The following ATOH8 variants were observed in gnomAD, a reference collection of about 807,000 sequenced individuals.
The protein encoded by ATOH8 is transcription factor ATOH8.
Under a neutral mutation model 21.2 loss-of-function variants are expected in ATOH8, and 9 were observed. That is an observed-to-expected ratio of 0.42 (90% CI 0.26 to 0.74). ATOH8 has a LOEUF of 0.74. Among genes scored for constraint, ATOH8 ranks in the 30% least tolerant of loss-of-function variants. ATOH8 has a pLI of 0.24. For synonymous variants in ATOH8, 253 were observed against 224.0 expected, an observed-to-expected ratio of 1.13 and a Z score of -1.16; for missense variants, 524 against 470.9, an observed-to-expected ratio of 1.11 and a Z score of -1.04.
In ATOH8 at chr2:85,788,846, C is replaced by T. The variant is rs972030787; in HGVS notation, c.*1956C>T. 6.6e-6 allele frequency among the ~76,000 whole-genome samples: 1 copy of T among 152,184 alleles called. No individual in the cohort carries two copies. On this transcript the variant is annotated 3_prime_UTR_variant, in exon 3 of 3. Coordinates refer to ENST00000306279, the MANE Select transcript of ATOH8 (RefSeq NM_032827.7). ...CCACAGTGTCCATGCTGTCTTGGAT[C>T]CCTAGGCTGGCACAGAAACAGGGGA... is the stretch of plus-strand genomic sequence containing the variant.
chr2:85,754,590 G>T lies in ATOH8; in HGVS notation c.401G>T (p.Ser134Ile). ...CCGCCGCCGCCTCCTGCGCCCCAGAGCCAGGCACCTGGGGGCCCAGAGGCA... is the reference window on the plus strand; with the variant it reads ...CCGCCGCCGCCTCCTGCGCCCCAGATCCAGGCACCTGGGGGCCCAGAGGCA... ...PPPPPPPAPQ[S>I]QAPGGPEAQP... is the part of the protein sequence containing the mutation. The change falls in exon 1 of 3, where the codon AGC (serine) becomes ATC (isoleucine). Residue 134 changes from serine to isoleucine, a missense_variant. By Grantham distance (142) the Ser-to-Ile change is moderately radical (BLOSUM62 -2). Transcript: ENST00000306279. 1 of 1,470,010 alleles carries T rather than the reference G, an allele frequency of 6.8e-7. No homozygotes were observed. Among genetic ancestry groups the T allele is most frequent in the Non-Finnish European group, 8.9e-7 (1 of 1,119,480 alleles). 91.1% of individuals were successfully genotyped at this position (1,470,010 alleles called of 1,614,324 possible). A position where few individuals can be genotyped will look rare whatever the true frequency, so the allele number is the denominator to read the frequency against.
intron 1 of ATOH8, among the ~76,000 whole-genome samples, chr2:85,757,561 C>A (rs1490691667): frequency 6.6e-6 from 1 of 152,178 alleles, no homozygotes; most frequent in Non-Finnish European, 1.5e-5. Context: ...TGAGCAGCTT[C>A]CTGGTACCAT....
chr2:85,781,193 C>A, intron 2 of ATOH8: 2 of 496,262 alleles, frequency 4.0e-6, no homozygotes, highest in Non-Finnish European at 5.3e-6. Context: ...ATGGGAATAG[C>A]ATATGGGACA....
At chr2:85,759,372 C>T (rs924646177) in intron 1 of ATOH8, among the ~76,000 whole-genome samples, 3 of 152,156 alleles carry the variant, frequency 2.0e-5, no homozygotes, top group Non-Finnish European at 2.9e-5. Flanking sequence ...GGGTGGCTGC[C>T]GTGGAGCCTC....
Position 85,779,527 on chromosome 2 carries a change from C to T in ATOH8, c.961-7358C>T, listed in dbSNP as rs906799587. 7.9e-5 allele frequency among the ~76,000 whole-genome samples: 12 copies of T among 152,300 alleles called. No homozygotes were observed. In the South Asian group the frequency reaches 2.3e-3, roughly 29 times the overall value. On this transcript the variant is annotated intron_variant, in intron 2 of 2. Coordinates refer to ENST00000306279, the MANE Select transcript of ATOH8 (RefSeq NM_032827.7). Reference sequence around the variant, plus strand: ...GGCCCTGGCCCTGGGGGTGCTGGGCCTCCCACTGCCAGCCACCTTCCCTTA... The same window carrying T: ...GGCCCTGGCCCTGGGGGTGCTGGGCTTCCCACTGCCAGCCACCTTCCCTTA...
chr2:85,765,453 G>A (rs1331373785), intron 2 of ATOH8, among the ~76,000 whole-genome samples: 2 of 152,236 alleles, frequency 1.3e-5, no homozygotes, highest in Non-Finnish European at 2.9e-5. Context: ...GTGCTTTAAC[G>A]TGGACCAATT....
chr2:85,783,062 G>T (rs1680537444), intron 2 of ATOH8, among the ~76,000 whole-genome samples: 2 of 152,190 alleles, frequency 1.3e-5, no homozygotes, highest in African/African-American at 4.8e-5. Flanking sequence ...AACAAAACAG[G>T]CCACGTCCCT....
In ATOH8 at chr2:85,766,080, G is replaced by C. The variant is rs1354826925; in HGVS notation, c.960+1898G>C. On this transcript the variant is annotated intron_variant, in intron 2 of 2. Transcript: ENST00000306279. This position sits in a 1 kb window ranked among gnomAD's most constrained non-coding sequence, Gnocchi z 4.0. ...CCTCCTCCGCCTCAGTTTTCTTGTT[G>C]ATAAGTGGGGACGGTGGAAATACTC... is the stretch of plus-strand genomic sequence containing the variant. Among the ~76,000 whole-genome samples, 1 of 152,108 alleles carries C rather than the reference G, an allele frequency of 6.6e-6. No homozygotes were observed. Among genetic ancestry groups the C allele is most frequent in the Non-Finnish European group, 1.5e-5 (1 of 68,012 alleles).
chr2:85,789,321 A>G lies in ATOH8; in HGVS notation c.*2431A>G, dbSNP rs1031599213. Among the ~76,000 whole-genome samples the G allele has an allele frequency of 6.6e-6, 1 of 152,224 alleles. No homozygotes were observed. The highest frequency in any genetic ancestry group is 2.4e-5 in the African/African-American group (1 of 41,450). On this transcript the variant is annotated 3_prime_UTR_variant, in exon 3 of 3. Coordinates refer to ENST00000306279, the MANE Select transcript of ATOH8 (RefSeq NM_032827.7). Reference sequence around the variant, plus strand: ...GGAATGAAGAGATGGATCTTGTGTCATGCATGGCATCACGGAGCTCTGGGT... The same window carrying G: ...GGAATGAAGAGATGGATCTTGTGTCGTGCATGGCATCACGGAGCTCTGGGT...
Position 85,790,874 on chromosome 2 carries a change from C to G in ATOH8, c.*3984C>G, listed in dbSNP as rs577592602. ...GGGCTACACTTGCCTCCCTCCTATG[C>G]TGCTTCCTGAGCCACGAAGTGGTCA... On this transcript the variant is annotated 3_prime_UTR_variant, in exon 3 of 3. Coordinates refer to ENST00000306279, the MANE Select transcript of ATOH8 (RefSeq NM_032827.7). 6.6e-6 allele frequency among the ~76,000 whole-genome samples: 1 copy of G among 152,348 alleles called. No homozygotes were observed. Among genetic ancestry groups the G allele is most frequent in the East Asian group, 1.9e-4 (1 of 5,188 alleles).
intron 2 of ATOH8, among the ~76,000 whole-genome samples, chr2:85,767,584 T>TCCCTC (rs1558611981): frequency 1.9e-5 from 2 of 102,714 alleles, no homozygotes; most frequent in African/African-American, 3.8e-5. Context: ...CCCCTCTCCT[T>TCCCTC]CCCTTCCCTT....
chr2:85,777,798 C>G (rs548843018), intron 2 of ATOH8, among the ~76,000 whole-genome samples: 1 of 152,304 alleles, frequency 6.6e-6, no homozygotes, highest in African/African-American at 2.4e-5. Context: ...TCCAGTGGAG[C>G]CTGGCGTGGT....
chr2:85,773,029 C>T (rs1181842063), intron 2 of ATOH8: 8 of 361,710 alleles, frequency 2.2e-5, no homozygotes, highest in South Asian at 4.3e-5. Context: ...TGCTTGGGAG[C>T]GCATCTCAGT....
At chr2:85,783,358 T>A (rs1015524129) in intron 2 of ATOH8, among the ~76,000 whole-genome samples, 34 of 152,140 alleles carry the variant, frequency 2.2e-4, no homozygotes, top group African/African-American at 8.2e-4. Flanking sequence ...TCATCTGAGG[T>A]TGGAAGTTCA....
intron 2 of ATOH8, chr2:85,774,431 A>G: frequency 1.0e-6 from 1 of 985,506 alleles, no homozygotes; most frequent in Non-Finnish European, 1.2e-6. Context: ...TACCTGCCCC[A>G]GCAGACCAGA....
chr2:85,765,602 A>T (rs1429755436), intron 2 of ATOH8, among the ~76,000 whole-genome samples: 1 of 150,702 alleles, frequency 6.6e-6, no homozygotes, highest in Non-Finnish European at 1.5e-5. Flanking sequence ...AGGTTTGTAA[A>T]CTCTCGGTGA....
In ATOH8 at chr2:85,754,633, G is replaced by A. The variant is rs541971104; in HGVS notation, c.444G>A (p.Pro148=). 3 of 1,509,866 alleles carry A rather than the reference G, an allele frequency of 2.0e-6. No individual in the cohort carries two copies. The highest frequency in any genetic ancestry group is 2.8e-5 in the African/African-American group (2 of 70,528). 93.5% of individuals were successfully genotyped at this position (1,509,866 alleles called of 1,614,324 possible). ...CAGAGGCACAGCCTTTCCGGGAGCC[G>A]GGTCTGCGTCCTCGCATCTTGCTGT... ...GGPEAQPFRE[P]GLRPRILLCA... is the part of the protein sequence containing the mutation. The change falls in exon 1 of 3, where the codon CCG becomes CCA. Residue 148 remains proline (P), a synonymous_variant. Transcript: ENST00000306279.
rs187204683 is a variant in ATOH8 at position 85,778,727 on chromosome 2, G to A, written c.961-8158G>A. ...TTTGCGGTAAGGACTGGGGAGGGGA[G>A]GCGCTTCGAGAGGCAGCAGGGTGAT... On this transcript the variant is annotated intron_variant, in intron 2 of 2. Transcript: ENST00000306279. 3.8e-3 allele frequency among the ~76,000 whole-genome samples: 578 copies of A among 152,330 alleles called. 6 individuals carry two copies. Among genetic ancestry groups the A allele is most frequent in the African/African-American group, 0.013 (529 of 41,576 alleles).
At chr2:85,784,107 C>A (rs952539525) in intron 2 of ATOH8, among the ~76,000 whole-genome samples, 2 of 152,190 alleles carry the variant, frequency 1.3e-5, no homozygotes, top group Admixed American at 6.5e-5. Context: ...CCCTGCTGAC[C>A]TTTGCAAGCC....
Sources: gnomAD v4.1 joint callset for allele counts (sites outside exome capture counted in the v4.1 genomes callset) on GRCh38, gnomAD v4.1.1 for gene constraint, Gnocchi (gnomAD v3.1) non-coding constraint, MANE v1.5 for transcripts, NCBI Gene and HGNC (gene_info 2026-07-23, HGNC 2026-07-21) for gene names.